The following GPATCH2L variants were observed in gnomAD, a reference collection of about 807,000 sequenced individuals.
GPATCH2L encodes the protein G-patch domain containing 2 like.
A neutral mutation model predicts 57.4 loss-of-function variants in GPATCH2L; 31 were observed. The observed-to-expected ratio is 0.54, with a 90% confidence interval of 0.41 to 0.73. The LOEUF is 0.73. GPATCH2L is among the 30% of genes least tolerant of loss of function. The pLI, the probability that GPATCH2L is intolerant of heterozygous loss-of-function variation, is 0.00. For synonymous variants in GPATCH2L, 199 were observed against 210.7 expected, an observed-to-expected ratio of 0.94 and a Z score of 0.48; for missense variants, 481 against 599.9, an observed-to-expected ratio of 0.80 and a Z score of 2.07.
At chr14:76,228,183 A>G (rs1374059883) in intron 1 of GPATCH2L, among the ~76,000 whole-genome samples, 2 of 152,208 alleles carry the variant, frequency 1.3e-5, no homozygotes, top group East Asian at 3.8e-4. Context: ...ATCGCCATTT[A>G]AAAGATAATA....
rs1011515552 is a variant in GPATCH2L, at chr14:76,205,100, G to T, written c.*3249G>T. The T allele has an allele frequency of 6.6e-6, 1 of 152,410 alleles. No individual in the cohort carries two copies. Among genetic ancestry groups the T allele is most frequent in the Non-Finnish European group, 1.5e-5 (1 of 68,278 alleles). 9.4% of individuals were successfully genotyped at this position (152,410 alleles called of 1,614,324 possible). ...TCCTCCTGCCTCAGCCTCCTGAGTT[G>T]TGAGGACTATGGAAGTGTGCCACCA... On this transcript the variant is annotated 3_prime_UTR_variant, in exon 10 of 10. Coordinates refer to ENST00000261530, the MANE Select transcript of GPATCH2L (RefSeq NM_017926.4).
At chr14:76,174,848 T>C (rs1324393660) in intron 5 of GPATCH2L, 1 of 152,204 alleles carries the variant, frequency 6.6e-6, no homozygotes, top group African/African-American at 2.4e-5. Context: ...TTGGCTAGGC[T>C]GGTCTCAAAC....
At chr14:76,184,672 CT>C (rs1422101335) in intron 8 of GPATCH2L, among the ~76,000 whole-genome samples, 2 of 152,122 alleles carry the variant, frequency 1.3e-5, no homozygotes, top group Non-Finnish European at 2.9e-5. Context: ...GTTTTGTGGT[CT>C]TTGTACCATC....
chr14:76,174,860 C>T (rs932238672), intron 5 of GPATCH2L: 4 of 152,120 alleles, frequency 2.6e-5, no homozygotes, highest in Admixed American at 2.0e-4. Flanking sequence ...GTCTCAAACC[C>T]CTGACCTCAG....
At chr14:76,158,677 G>A (rs1326921420) in intron 2 of GPATCH2L, among the ~76,000 whole-genome samples, 1 of 152,174 alleles carries the variant, frequency 6.6e-6, no homozygotes, top group Non-Finnish European at 1.5e-5. Context: ...ATGGTAGGTG[G>A]GGGTGTTCTG....
chr14:76,176,557 T>G, intron 5 of GPATCH2L, 66 bp from the exon 6 acceptor site: 4 of 1,109,346 alleles, frequency 3.6e-6, no homozygotes, highest in Non-Finnish European at 5.6e-6. Context: ...TGGGAAAGAT[T>G]GATATTGTAC....
intron 8 of GPATCH2L, among the ~76,000 whole-genome samples, chr14:76,181,204 T>G (rs1478432066): frequency 6.6e-6 from 1 of 152,226 alleles, no homozygotes; most frequent in Non-Finnish European, 1.5e-5. Context: ...CAGCCTCCTT[T>G]CGTATAATTT....
At chr14:76,223,437 C>T (rs958521723) in intron 1 of GPATCH2L, among the ~76,000 whole-genome samples, 3 of 151,816 alleles carry the variant, frequency 2.0e-5, no homozygotes, top group African/African-American at 7.3e-5. Context: ...TAACTAAAAA[C>T]ATATCAAAGA....
rs115053357 is a variant in GPATCH2L, at chr14:76,219,833, T to G, written c.66-9975T>G. On this transcript the variant is annotated intron_variant and NMD_transcript_variant, in intron 1 of 3. Coordinates refer to the GPATCH2L transcript ENST00000556372. The stretch of plus-strand genomic sequence containing the variant: ...GAGCTGGCAAGTGCTGATTTGTGAG[T>G]GGTGGCAGTTATTGGGTGAAATTTG... Among the ~76,000 whole-genome samples, 418 of 152,218 alleles carry G rather than the reference T, an allele frequency of 2.7e-3. 4 individuals carry two copies. Among genetic ancestry groups the G allele is most frequent in the African/African-American group, 9.3e-3 (387 of 41,522 alleles).
intron 8 of GPATCH2L, among the ~76,000 whole-genome samples, chr14:76,188,079 A>C (rs1174673336): frequency 3.3e-5 from 5 of 152,114 alleles, no homozygotes; most frequent in Admixed American, 2.0e-4. Context: ...ATAGTACTGC[A>C]TTGTGTATAT....
intron 2 of GPATCH2L, among the ~76,000 whole-genome samples, chr14:76,163,805 G>A (rs2038705996): frequency 6.6e-6 from 1 of 152,126 alleles, no homozygotes; most frequent in South Asian, 2.1e-4. Context: ...GCCATATAAG[G>A]GCAGGCAACA....
rs1314852361 is a variant in GPATCH2L at position 76,208,532 on chromosome 14, A to G, written c.*6681A>G. ...GTTAATCTCAGCCCTCCCCCACCAC[A>G]TAACAGCCTCGGGCAGAACTTCCCA... On this transcript the variant is annotated 3_prime_UTR_variant, in exon 10 of 10. Coordinates refer to ENST00000261530, the MANE Select transcript of GPATCH2L (RefSeq NM_017926.4). 6.6e-6 allele frequency: 1 copy of G among 152,270 alleles called. No homozygotes were observed. The highest frequency in any genetic ancestry group is 2.1e-4 in the South Asian group (1 of 4,808). 9.4% of individuals were successfully genotyped at this position (152,270 alleles called of 1,614,324 possible). A position where few individuals can be genotyped will look rare whatever the true frequency, so the allele number is the denominator to read the frequency against.
chr14:76,182,953 A>G (rs985109834), intron 8 of GPATCH2L, among the ~76,000 whole-genome samples: 4 of 152,220 alleles, frequency 2.6e-5, no homozygotes, highest in East Asian at 1.9e-4. Flanking sequence ...CTTAATACCA[A>G]ATAAAATAAT....
chr14:76,219,873 T>C (rs978549399), intron 1 of GPATCH2L, among the ~76,000 whole-genome samples: 2 of 152,238 alleles, frequency 1.3e-5, no homozygotes, highest in Non-Finnish European at 2.9e-5. Flanking sequence ...CTTAAAATTA[T>C]GTTTTGTTTG....
At chr14:76,234,724 G>C (rs892922964) in intron 2 of GPATCH2L, 3 of 152,456 alleles carry the variant, frequency 2.0e-5, no homozygotes, top group Non-Finnish European at 4.4e-5. Context: ...TGAGACTGCA[G>C]CCCGAGCTGT....
chr14:76,226,687 T>C (rs1383630404), intron 1 of GPATCH2L, among the ~76,000 whole-genome samples: 2 of 152,168 alleles, frequency 1.3e-5, no homozygotes, highest in Non-Finnish European at 2.9e-5. Context: ...TTCACCCCCT[T>C]CCACCATCCG....
At chr14:76,189,996 AGACT>A (rs1463174682) in intron 8 of GPATCH2L, among the ~76,000 whole-genome samples, 1 of 152,162 alleles carries the variant, frequency 6.6e-6, no homozygotes, top group Non-Finnish European at 1.5e-5. Flanking sequence ...ATTCGCAGAC[AGACT>A]GTTTTCTCTC....
chr14:76,198,863 G>T (rs1051677859), intron 9 of GPATCH2L, among the ~76,000 whole-genome samples: 1 of 152,092 alleles, frequency 6.6e-6, no homozygotes, highest in African/African-American at 2.4e-5. Context: ...TAAACCCACT[G>T]GTTATTTGTT....
rs1328805616 is a variant in GPATCH2L, at chr14:76,203,913, C to G, written c.*2062C>G. ...GCAGTGATTGGTCCCATGATCATGG[C>G]CTATTAGTGAAAACCTCCAAAGGTC... On this transcript the variant is annotated 3_prime_UTR_variant, in exon 10 of 10. Transcript: ENST00000261530. The G allele has an allele frequency of 1.3e-5, 2 of 152,144 alleles. No individual in the cohort carries two copies. The highest frequency in any genetic ancestry group is 2.9e-5 in the Non-Finnish European group (2 of 68,030). The allele number at this position is 152,144 out of a possible 1,614,324, so 9.4% of individuals were successfully genotyped here. A position where few individuals can be genotyped will look rare whatever the true frequency, so the allele number is the denominator to read the frequency against.
Sources: gnomAD v4.1 joint callset for allele counts (sites outside exome capture counted in the v4.1 genomes callset) on GRCh38, gnomAD v4.1.1 for gene constraint, MANE v1.5 for transcripts, NCBI Gene and HGNC (gene_info 2026-07-23, HGNC 2026-07-21) for gene names.